Variants in DPP6 observed in about 807,000 individuals in gnomAD.
DPP6 encodes the protein dipeptidyl peptidase like 6.
DPP6 carries 69 observed loss-of-function variants against 122.6 expected under a neutral mutation model. The ratio of observed to expected loss-of-function variants is 0.56; its 90% CI spans 0.46 to 0.69. The LOEUF is 0.69. DPP6 is among the 30% of genes least tolerant of loss of function. The probability of loss-of-function intolerance (pLI) is 0.00; values close to 1 mark genes in which losing one functional copy is unlikely to be tolerated. For missense variants in DPP6, 928 were observed against 1,116.9 expected (o/e 0.83, Z 2.41); for synonymous variants, 418 against 433.1 (o/e 0.97, Z 0.43).
chr7:154,862,019 A>T (rs1164683746), intron 17 of DPP6, among the ~76,000 whole-genome samples: 4 of 152,176 alleles, frequency 2.6e-5, no homozygotes, highest in Non-Finnish European at 5.9e-5. Flanking sequence ...TTTTTAGCTC[A>T]GTGAGATTCC....
chr7:154,645,690 G>A (rs1011581132), intron 6 of DPP6, among the ~76,000 whole-genome samples: 1 of 152,096 alleles, frequency 6.6e-6, no homozygotes, highest in African/African-American at 2.4e-5. Flanking sequence ...GTGAAACACT[G>A]TATGATGAGG....
chr7:153,966,554 C>CTTTTTTTTTTTTTTTTTTTTTT (rs753840054), intron 1 of DPP6, among the ~76,000 whole-genome samples: 3 of 41,358 alleles, frequency 7.3e-5, no homozygotes, highest in Non-Finnish European at 1.1e-4. Context: ...CCTGTGTTGG[C>CTTTTTTTTTTTTTTTTTTTTTT]TTTTTTTTTT....
chr7:153,822,252 C>T, the DPP6 span, among the ~76,000 whole-genome samples: 26 of 142,546 alleles, frequency 1.8e-4, no homozygotes, highest in East Asian at 5.6e-3. Context: ...TGCAGTGGTG[C>T]CATCTCAGCT....
chr7:153,870,700 C>G, the DPP6 span, among the ~76,000 whole-genome samples: 1 of 152,216 alleles, frequency 6.6e-6, no homozygotes, highest in African/African-American at 2.4e-5. Context: ...TGAGGTGCTG[C>G]GTTCCTTTGG....
intron 1 of DPP6, among the ~76,000 whole-genome samples, chr7:154,019,000 A>G (rs1798560797): frequency 6.6e-6 from 1 of 152,246 alleles, no homozygotes; most frequent in African/African-American, 2.4e-5. Flanking sequence ...CAAAACAAAT[A>G]CAATAAACAG....
the DPP6 span, among the ~76,000 whole-genome samples, chr7:153,798,390 G>A: frequency 1.3e-5 from 2 of 152,194 alleles, no homozygotes; most frequent in South Asian, 2.1e-4. Flanking sequence ...CCATCCCCCA[G>A]CTGATTTTAT....
chr7:153,873,752 A>T, the DPP6 span, among the ~76,000 whole-genome samples: 1 of 152,250 alleles, frequency 6.6e-6, no homozygotes, highest in Non-Finnish European at 1.5e-5. Context: ...TATCAGGAAC[A>T]TCCAGAAAAG....
At chr7:154,219,097 CAG>C (rs1386331721) in intron 1 of DPP6, among the ~76,000 whole-genome samples, 4 of 152,330 alleles carry the variant, frequency 2.6e-5, no homozygotes, top group Non-Finnish European at 4.4e-5. Context: ...TTCACTCATG[CAG>C]AGTCACAAGA....
intron 1 of DPP6, among the ~76,000 whole-genome samples, chr7:154,217,905 G>A (rs1800093665): frequency 6.6e-6 from 1 of 152,226 alleles, no homozygotes; most frequent in Non-Finnish European, 1.5e-5. Flanking sequence ...GAGGACCAGA[G>A]CGCCTGTGGG....
rs567844586 is a variant in DPP6 at position 154,446,236 on chromosome 7, C to T, written c.266C>T (p.Pro89Leu). ...EEDELVGSNP[P>L]QRNWKGIAIA... ...TAGGAGCTGGTGGGGAGTAACCCTC[C>T]GCAGAGGAATTGGAAAGGAATAGCA... The change falls in exon 2 of 26, where the codon CCG (proline) becomes CTG (leucine). Residue 89 changes from proline to leucine, a missense_variant. Physicochemically the swap from Pro to Leu is moderately conservative, Grantham distance 98 (BLOSUM62 -3). Transcript: ENST00000377770. 1.6e-5 allele frequency: 26 copies of T among 1,607,334 alleles called. No individual in the cohort carries two copies. Among genetic ancestry groups the T allele is most frequent in the Non-Finnish European group, 2.1e-5 (25 of 1,176,538 alleles).
intron 1 of DPP6, among the ~76,000 whole-genome samples, chr7:154,267,317 T>G (rs889230281): frequency 6.8e-6 from 1 of 147,048 alleles, no homozygotes; most frequent in Non-Finnish European, 1.5e-5. Flanking sequence ...CAATAATATA[T>G]TACAATATAT....
At chr7:154,001,780 G>GT (rs540107952) in intron 1 of DPP6, among the ~76,000 whole-genome samples, 1,086 of 151,212 alleles carry the variant, frequency 7.2e-3, no homozygotes, top group African/African-American at 0.024. Context: ...CGAAATCCCT[G>GT]TATTTGAAAT....
At chr7:153,920,609 G>A (rs1363385016) in intron 1 of DPP6, among the ~76,000 whole-genome samples, 1 of 115,924 alleles carries the variant, frequency 8.6e-6, no homozygotes, top group African/African-American at 3.4e-5. Flanking sequence ...GTCCCAGGCT[G>A]GAGTGCAGTG....
rs547976564 is a variant in DPP6 at position 154,759,478 on chromosome 7, C to T, written c.884-9939C>T. Among the ~76,000 whole-genome samples, 24 of 152,336 alleles carry T rather than the reference C, an allele frequency of 1.6e-4. No individual in the cohort carries two copies. In the South Asian group the frequency reaches 1.9e-3, roughly 12 times the overall value. On this transcript the variant is annotated intron_variant, in intron 8 of 25. Coordinates refer to ENST00000377770, the MANE Select transcript of DPP6 (RefSeq NM_130797.4). Reference sequence around the variant, plus strand: ...CAATAGGACGGAAGGGGACCACCCACGGGCTGGACTCTCGAGGCCAGGCAG... The same window carrying T: ...CAATAGGACGGAAGGGGACCACCCATGGGCTGGACTCTCGAGGCCAGGCAG...
At chr7:154,840,960 C>T (rs540400256) in intron 16 of DPP6, among the ~76,000 whole-genome samples, 2 of 152,240 alleles carry the variant, frequency 1.3e-5, no homozygotes, top group African/African-American at 4.8e-5. Flanking sequence ...AGTCAATGTA[C>T]GTTTTCCTAG....
At chr7:154,205,313 C>T (rs1799383998) in intron 1 of DPP6, among the ~76,000 whole-genome samples, 2 of 152,124 alleles carry the variant, frequency 1.3e-5, no homozygotes, top group Admixed American at 6.5e-5. Context: ...TCACAGGACC[C>T]CTCCTGTTGT....
the DPP6 span, among the ~76,000 whole-genome samples, chr7:153,832,528 C>A: frequency 6.6e-6 from 1 of 152,324 alleles, no homozygotes; most frequent in South Asian, 2.1e-4. Context: ...TCACAAGTTG[C>A]TTTTGTAGGC....
intron 8 of DPP6, among the ~76,000 whole-genome samples, chr7:154,746,980 C>A (rs935636758): frequency 1.3e-5 from 2 of 152,170 alleles, no homozygotes; most frequent in African/African-American, 4.8e-5. Context: ...CTGAGGGGAC[C>A]ATTCGTAGCT....
rs574275405 is a variant in DPP6 at position 154,508,680 on chromosome 7, A to G, written c.458-31852A>G. Among the ~76,000 whole-genome samples, 142 of 152,342 alleles carry G rather than the reference A, an allele frequency of 9.3e-4. 1 individual carries two copies. The highest frequency in any genetic ancestry group is 3.3e-3 in the African/African-American group (138 of 41,580). On this transcript the variant is annotated intron_variant, in intron 3 of 25. Coordinates refer to ENST00000377770, the MANE Select transcript of DPP6 (RefSeq NM_130797.4). ...CACTTGTGCTAGAATTCAGGCACAC[A>G]GTCCCCAACTAACCTCAGAGGAATT...
Sources: gnomAD v4.1 joint callset for allele counts (sites outside exome capture counted in the v4.1 genomes callset) on GRCh38, gnomAD v4.1.1 for gene constraint, MANE v1.5 for transcripts, NCBI Gene and HGNC (gene_info 2026-07-23, HGNC 2026-07-21) for gene names.